Variants in AGBL4 observed in about 807,000 individuals in gnomAD.
AGBL4 encodes the protein AGBL carboxypeptidase 4, also known as cytosolic carboxypeptidase 6.
Under a neutral mutation model 66.4 loss-of-function variants are expected in AGBL4, and 58 were observed. The ratio of observed to expected loss-of-function variants is 0.87; its 90% CI spans 0.71 to 1.09. The LOEUF is 1.09. Among genes scored for constraint, AGBL4 ranks in the 50% least tolerant of loss-of-function variants. AGBL4 has a pLI of 0.00. For missense variants in AGBL4, 579 were observed against 631.0 expected (o/e 0.92, Z 0.88); for synonymous variants, 234 against 222.9 (o/e 1.05, Z -0.44).
chr1:48,716,111 A>G (rs1014073056), intron 6 of AGBL4, among the ~76,000 whole-genome samples: 1 of 152,244 alleles, frequency 6.6e-6, no homozygotes, highest in Non-Finnish European at 1.5e-5. Flanking sequence ...GCAAACTCTA[A>G]TTAGAGACTA....
At chr1:48,963,248 AT>A (rs1240071279) in intron 5 of AGBL4, among the ~76,000 whole-genome samples, 3 of 151,944 alleles carry the variant, frequency 2.0e-5, no homozygotes, top group Non-Finnish European at 4.4e-5. Flanking sequence ...GCCTTAATCC[AT>A]TCATGAGGGC....
intron 2 of AGBL4, among the ~76,000 whole-genome samples, chr1:49,829,363 T>C (rs1334424246): frequency 1.3e-5 from 2 of 152,144 alleles, no homozygotes; most frequent in East Asian, 3.9e-4. Flanking sequence ...AATGAAGATG[T>C]TGTAATCACA....
chr1:48,603,720 T>A (rs115540666), intron 9 of AGBL4, among the ~76,000 whole-genome samples: 2,241 of 152,264 alleles, frequency 0.015, 16 homozygotes, highest in Non-Finnish European at 0.022. Context: ...TTAGTGGTCA[T>A]AAGACTCAAA....
rs969235570 is a variant in AGBL4 at position 49,558,585 on chromosome 1, T to C, written c.282+138728A>G. On this transcript the variant is annotated intron_variant, in intron 3 of 13. Transcript: ENST00000371839. ...TGATCTCCTCACCTCAGGATCTGCC[T>C]GCTTTGGCCTCCCAAAGTGCTGGGC... is the stretch of plus-strand genomic sequence containing the variant. 2.6e-5 allele frequency among the ~76,000 whole-genome samples: 4 copies of C among 152,126 alleles called. No homozygotes were observed. The South Asian group carries it at 8.3e-4, about 32-fold the overall frequency.
At chr1:49,524,727 C>T (rs927668267) in intron 3 of AGBL4, among the ~76,000 whole-genome samples, 3 of 151,942 alleles carry the variant, frequency 2.0e-5, no homozygotes, top group Non-Finnish European at 4.4e-5. Flanking sequence ...AAAGACACTT[C>T]CCAAGAAGCT....
intron 3 of AGBL4, among the ~76,000 whole-genome samples, chr1:49,337,454 T>C (rs1313346929): frequency 6.6e-6 from 1 of 152,212 alleles, no homozygotes; most frequent in Non-Finnish European, 1.5e-5. Flanking sequence ...AATTCCTGCT[T>C]GGCAAAGTTA....
At chr1:49,427,474 C>G (rs570877246) in intron 3 of AGBL4, among the ~76,000 whole-genome samples, 1 of 152,092 alleles carries the variant, frequency 6.6e-6, no homozygotes, top group Non-Finnish European at 1.5e-5. Flanking sequence ...TGGTTCCTTC[C>G]GGTGGGTTCT....
At chr1:49,500,025 C>T (rs998164545) in intron 3 of AGBL4, among the ~76,000 whole-genome samples, 2 of 151,946 alleles carry the variant, frequency 1.3e-5, no homozygotes, top group African/African-American at 2.4e-5. Flanking sequence ...ACCACATCCA[C>T]GTCAACATCT....
intron 2 of AGBL4, among the ~76,000 whole-genome samples, chr1:49,837,659 C>T (rs1212237814): frequency 6.6e-6 from 1 of 152,082 alleles, no homozygotes; most frequent in Non-Finnish European, 1.5e-5. Context: ...TCCTGGCTAA[C>T]ACAGTGAAAC....
At chr1:49,065,165 A>G (rs1292335263) in intron 4 of AGBL4, among the ~76,000 whole-genome samples, 1 of 152,214 alleles carries the variant, frequency 6.6e-6, no homozygotes, top group Non-Finnish European at 1.5e-5. Flanking sequence ...GAAAGATGTC[A>G]TTTAATATCA....
chr1:49,271,894 A>G (rs766091154), intron 3 of AGBL4, among the ~76,000 whole-genome samples: 2 of 152,170 alleles, frequency 1.3e-5, no homozygotes, highest in Non-Finnish European at 2.9e-5. Flanking sequence ...TGTCTTTTAT[A>G]ATACATTATT....
chr1:48,698,089 C>A (rs116220093), intron 6 of AGBL4, among the ~76,000 whole-genome samples: 3,186 of 152,262 alleles, frequency 0.021, 99 homozygotes, highest in African/African-American at 0.07. Flanking sequence ...TGTTCTCCCT[C>A]CACTGTACCC....
chr1:48,911,052 C>T (rs1239264936), intron 5 of AGBL4, among the ~76,000 whole-genome samples: 1 of 152,106 alleles, frequency 6.6e-6, no homozygotes, highest in East Asian at 1.9e-4. Context: ...TTTTGTGTGA[C>T]CCTTTAAAAA....
At chr1:48,996,817 C>CCTTCCTT (rs1553137069) in intron 5 of AGBL4, among the ~76,000 whole-genome samples, 4 of 147,756 alleles carry the variant, frequency 2.7e-5, no homozygotes, top group African/African-American at 1.0e-4. Context: ...CTTCCTTCCT[C>CCTTCCTT]CCTTCCTTCC....
chr1:49,460,704 C>G (rs1201657680), intron 3 of AGBL4, among the ~76,000 whole-genome samples: 1 of 151,476 alleles, frequency 6.6e-6, no homozygotes, highest in African/African-American at 2.4e-5. Flanking sequence ...CTGTGAGATT[C>G]ATGCTTTAAG....
At chr1:49,744,680 T>A (rs1403635228) in intron 2 of AGBL4, among the ~76,000 whole-genome samples, 2 of 152,118 alleles carry the variant, frequency 1.3e-5, no homozygotes, top group Admixed American at 1.3e-4. Context: ...TGTTTGTAAC[T>A]TTTTTCTTCT....
At chr1:48,594,819 G>A (rs1392708045) in intron 9 of AGBL4, among the ~76,000 whole-genome samples, 1 of 151,994 alleles carries the variant, frequency 6.6e-6, no homozygotes, top group Non-Finnish European at 1.5e-5. Flanking sequence ...TGGAATGTGG[G>A]CAATGACAAT....
intron 3 of AGBL4, among the ~76,000 whole-genome samples, chr1:49,632,296 A>T (rs1314254033): frequency 6.6e-6 from 1 of 152,162 alleles, no homozygotes; most frequent in Non-Finnish European, 1.5e-5. Flanking sequence ...TATTATGGGA[A>T]GGGGGAACCT....
At chr1:49,415,977 C>T (rs1294532561) in intron 3 of AGBL4, among the ~76,000 whole-genome samples, 1 of 152,054 alleles carries the variant, frequency 6.6e-6, no homozygotes, top group Non-Finnish European at 1.5e-5. Flanking sequence ...CGATATTCTA[C>T]ACAACCTTGC....
Sources: allele counts gnomAD v4.1 joint callset (sites outside exome capture counted in the v4.1 genomes callset), GRCh38; gene constraint gnomAD v4.1.1; transcripts MANE v1.5; gene names NCBI Gene and HGNC (gene_info 2026-07-23, HGNC 2026-07-21).